SHANK2: variants seen among roughly 807,000 people sequenced by gnomAD.
SHANK2 encodes the protein SH3 and multiple ankyrin repeat domains protein 2.
A neutral mutation model predicts 133.7 loss-of-function variants in SHANK2; 43 were observed. The ratio of observed to expected loss-of-function variants is 0.32; its 90% CI spans 0.25 to 0.41. SHANK2 has a LOEUF of 0.41. Among genes scored for constraint, SHANK2 ranks in the 10% least tolerant of loss-of-function variants. The probability of loss-of-function intolerance (pLI) is 1.00; values close to 1 mark genes in which losing one functional copy is unlikely to be tolerated. For synonymous variants in SHANK2, 1,017 were observed against 952.8 expected (o/e 1.07, Z -1.24); for missense variants, 1,994 against 2,235.8 (o/e 0.89, Z 2.18).
At chr11:70,490,226 T>C (rs781804748) in intron 23 of SHANK2, 50 bp downstream of exon 23, 1 of 1,477,720 alleles carries the variant, frequency 6.8e-7, no homozygotes, top group Non-Finnish European at 9.5e-7. Flanking sequence ...CCTAAGGCTG[T>C]GTTTGAAAGC....
At chr11:71,168,088 G>A (rs1349061289) in intron 2 of SHANK2, among the ~76,000 whole-genome samples, 2 of 142,180 alleles carry the variant, frequency 1.4e-5, no homozygotes, top group Non-Finnish European at 1.5e-5. Flanking sequence ...GCCGGGCGGA[G>A]GGGCTCCTCA....
chr11:71,207,181 T>TG (rs1246262642), intron 2 of SHANK2, among the ~76,000 whole-genome samples: 2 of 147,482 alleles, frequency 1.4e-5, no homozygotes, highest in African/African-American at 2.5e-5. Context: ...AAAATTCCTT[T>TG]TTTTTTTTTT....
intron 8 of SHANK2, among the ~76,000 whole-genome samples, chr11:71,086,063 TATATA>T (rs1211736803): frequency 2.8e-4 from 21 of 73,818 alleles, no homozygotes; most frequent in Non-Finnish European, 3.6e-4. Context: ...TATAATATAT[TATATA>T]ATATATTATG....
intron 14 of SHANK2, among the ~76,000 whole-genome samples, chr11:70,788,100 T>C (rs1271042668): frequency 1.3e-5 from 2 of 152,206 alleles, no homozygotes; most frequent in Admixed American, 6.5e-5. Context: ...AGTGCATACA[T>C]GATATGGCTC....
chr11:70,853,007 C>T lies in SHANK2; in HGVS notation c.1175-32325G>A, dbSNP rs933240404. On this transcript the variant is annotated intron_variant, in intron 11 of 25. Coordinates refer to ENST00000601538, the MANE Select transcript of SHANK2 (RefSeq NM_012309.5). ...GGGCCACGTGGGAAGTTCTGCAGAG[C>T]CCCACAACCCTGCCCTGGGGAAGCA... Among the ~76,000 whole-genome samples, 7 of 151,754 alleles carry T rather than the reference C, an allele frequency of 4.6e-5. No individual in the cohort carries two copies. The South Asian group carries it at 1.2e-3, about 27-fold the overall frequency.
intron 14 of SHANK2, among the ~76,000 whole-genome samples, chr11:70,781,246 C>G (rs536762473): frequency 6.6e-6 from 1 of 151,822 alleles, no homozygotes; most frequent in Non-Finnish European, 1.5e-5. Context: ...ACACAGTTCA[C>G]GATTGTTCTG....
intron 14 of SHANK2, among the ~76,000 whole-genome samples, chr11:70,750,676 C>G (rs1198166366): frequency 6.6e-6 from 1 of 152,150 alleles, no homozygotes; most frequent in East Asian, 1.9e-4. Flanking sequence ...CTAGGCTCAG[C>G]TCCAAGTTGT....
intron 9 of SHANK2, among the ~76,000 whole-genome samples, chr11:71,063,176 G>GA (rs1268252576): frequency 6.6e-6 from 1 of 152,098 alleles, no homozygotes; most frequent in Non-Finnish European, 1.5e-5. Context: ...AGAAAGTTAA[G>GA]AATAAATCCT....
At chr11:70,866,946 C>G (rs1310677974) in intron 11 of SHANK2, among the ~76,000 whole-genome samples, 10 of 152,032 alleles carry the variant, frequency 6.6e-5, no homozygotes, top group Non-Finnish European at 1.3e-4. Context: ...ACACCAGCCT[C>G]TGCCTTCACT....
chr11:71,204,477 C>A (rs182437418), intron 2 of SHANK2, among the ~76,000 whole-genome samples: 32 of 152,242 alleles, frequency 2.1e-4, no homozygotes, highest in African/African-American at 7.5e-4. Context: ...TGACAGGCTC[C>A]GACGGGAAGA....
chr11:70,841,194 C>G (rs1948897478), intron 11 of SHANK2, among the ~76,000 whole-genome samples: 1 of 152,156 alleles, frequency 6.6e-6, no homozygotes, highest in African/African-American at 2.4e-5. Flanking sequence ...TCGCTTGAAC[C>G]TGGGAGGCAG....
intron 14 of SHANK2, among the ~76,000 whole-genome samples, chr11:70,751,598 A>G (rs1202324346): frequency 2.0e-5 from 3 of 152,250 alleles, no homozygotes; most frequent in African/African-American, 4.8e-5. Flanking sequence ...AAAATGGTCA[A>G]TATCTTTTAA....
chr11:70,606,740 A>C (rs1402220358), intron 17 of SHANK2, among the ~76,000 whole-genome samples: 1 of 152,032 alleles, frequency 6.6e-6, no homozygotes, highest in Non-Finnish European at 1.5e-5. Flanking sequence ...CAGGTGCAAG[A>C]TGGAATGGAC....
chr11:70,771,448 T>C (rs951309722), intron 14 of SHANK2, among the ~76,000 whole-genome samples: 9 of 152,188 alleles, frequency 5.9e-5, no homozygotes, highest in Non-Finnish European at 1.3e-4. Flanking sequence ...CAGTGGCAGC[T>C]CATCTTCCTG....
rs782206898 is a variant in SHANK2, at chr11:70,486,394, A to C, written c.3899T>G (p.Ile1300Ser). ...CTGCTGGGACGTGTCCATGATGTCG[A>C]TCAGCATGTTCTTCTTGTCATCGCC... Reference protein sequence around the residue: ...RKGDDKKNMLIDIMDTSQQKS... With the variant: ...RKGDDKKNMLSDIMDTSQQKS... Residue 1300 changes from isoleucine to serine, a missense_variant, in exon 25 of 26, where the codon ATC (isoleucine) becomes AGC (serine). This residue lies in a region of SHANK2 where 797 missense variants were observed against 907.4 expected (regional missense o/e 0.88). Transcript: ENST00000601538. The surrounding 1 kb of genome is among the most constrained non-coding windows in gnomAD (Gnocchi z 8.0). The C allele has an allele frequency of 1.1e-5, 17 of 1,613,790 alleles. No homozygotes were observed. In the South Asian group the frequency reaches 1.6e-4, roughly 16 times the overall value.
chr11:70,754,993 C>T (rs148992523), intron 14 of SHANK2, among the ~76,000 whole-genome samples: 2 of 151,986 alleles, frequency 1.3e-5, no homozygotes, highest in Non-Finnish European at 2.9e-5. Flanking sequence ...TAATAAGTAA[C>T]GATACTAGTA....
intron 10 of SHANK2, among the ~76,000 whole-genome samples, chr11:70,905,088 G>A (rs1158316154): frequency 1.3e-5 from 2 of 152,150 alleles, no homozygotes; most frequent in African/African-American, 4.8e-5. Context: ...GAGTGGGGTG[G>A]TGCCAGGAGC....
rs2058701478 is a variant in SHANK2 at position 70,479,189 on chromosome 11, A to T, written c.4980-5750T>A. ...CTGATGTCACATTCACTTTTCCATC[A>T]GGGCCTGGAAACCCTCAAACCACCT... On this transcript the variant is annotated intron_variant, in intron 25 of 25. Coordinates refer to ENST00000601538, the MANE Select transcript of SHANK2 (RefSeq NM_012309.5). The surrounding 1 kb of genome is among the most constrained non-coding windows in gnomAD (Gnocchi z 4.4). Among the ~76,000 whole-genome samples, 1 of 152,224 alleles carries T rather than the reference A, an allele frequency of 6.6e-6. No individual in the cohort carries two copies.
rs909797494 is a variant in SHANK2, at chr11:70,489,123, G to C, written c.2572+205C>G. The C allele has an allele frequency of 3.7e-5, 22 of 592,578 alleles. 1 individual carries two copies. The highest frequency in any genetic ancestry group is 2.4e-4 in the South Asian group (12 of 49,060). 36.7% of individuals were successfully genotyped at this position (592,578 alleles called of 1,614,324 possible). ...CCAATGAAAACTTCCATTCGATAAG[G>C]GTATTCCAAATTTAACATACTCCTT... On this transcript the variant is annotated intron_variant, in intron 24 of 25. Transcript: ENST00000601538.
Sources: allele counts gnomAD v4.1 joint callset (sites outside exome capture counted in the v4.1 genomes callset), GRCh38; gene constraint gnomAD v4.1.1; regional missense constraint gnomAD v4.1.1; non-coding constraint Gnocchi (gnomAD v3.1); transcripts MANE v1.5; gene names NCBI Gene and HGNC (gene_info 2026-07-23, HGNC 2026-07-21).